The following PPP1R12B variants were observed in gnomAD, a reference collection of about 807,000 sequenced individuals.
PPP1R12B encodes the protein protein phosphatase 1 regulatory subunit 12B.
A neutral mutation model predicts 126.1 loss-of-function variants in PPP1R12B; 76 were observed. The ratio of observed to expected loss-of-function variants is 0.60; its 90% CI spans 0.50 to 0.73. The LOEUF (loss-of-function observed/expected upper bound fraction) is 0.73, where lower values mean the gene tolerates loss of function less well. Ranked by LOEUF, PPP1R12B falls within the 30% of genes least tolerant of loss-of-function variation. PPP1R12B has a pLI of 0.00. For synonymous variants in PPP1R12B, 356 were observed against 434.7 expected (o/e 0.82, Z 2.25); for missense variants, 1,052 against 1,205.1 (o/e 0.87, Z 1.88).
Position 202,348,770 on chromosome 1 carries a change from T to A in PPP1R12B, c.-82T>A, listed in dbSNP as rs895179933. The A allele has an allele frequency of 3.4e-5, 51 of 1,492,312 alleles. No homozygotes were observed. The highest frequency in any genetic ancestry group is 2.5e-4 in the Middle Eastern group (1 of 4,010). The allele number at this position is 1,492,312 out of a possible 1,614,324, so 92.4% of individuals were successfully genotyped here. On this transcript the variant is annotated 5_prime_UTR_variant, in exon 1 of 24. Transcript: ENST00000608999. ...CCCTCTGCTCCGGGCTGAAGCGCTC[T>A]GAGAGAGGCGGCAGCGGCAACTCGA... is the stretch of plus-strand genomic sequence containing the variant.
intron 13 of PPP1R12B, among the ~76,000 whole-genome samples, chr1:202,462,117 AT>A (rs1175566930): frequency 6.6e-6 from 1 of 152,188 alleles, no homozygotes; most frequent in East Asian, 1.9e-4. Context: ...GATTGCATAA[AT>A]CTGAATATAC....
chr1:202,524,206 C>T (rs927031578), intron 18 of PPP1R12B, among the ~76,000 whole-genome samples: 13 of 152,052 alleles, frequency 8.5e-5, no homozygotes, highest in Non-Finnish European at 1.8e-4. Flanking sequence ...GCCAACATTT[C>T]CTGGAAGGGC....
intron 1 of PPP1R12B, among the ~76,000 whole-genome samples, chr1:202,402,969 C>T (rs1438668860): frequency 6.6e-6 from 1 of 152,124 alleles, no homozygotes; most frequent in Non-Finnish European, 1.5e-5. Flanking sequence ...GGATACATGA[C>T]AAAGCAAATA....
chr1:202,452,556 GA>G (rs1673133956), intron 13 of PPP1R12B, among the ~76,000 whole-genome samples: 1 of 152,016 alleles, frequency 6.6e-6, no homozygotes. Flanking sequence ...GGGAGAGGGA[GA>G]CCGTGGGGAG....
At chr1:202,493,372 G>A (rs569679610) in intron 15 of PPP1R12B, 55 bp downstream of exon 15, 16 of 1,532,026 alleles carry the variant, frequency 1.0e-5, no homozygotes, top group Middle Eastern at 2.3e-4. Context: ...ATTAGTTTGG[G>A]GAGTATCTTC....
intron 1 of PPP1R12B, among the ~76,000 whole-genome samples, chr1:202,371,858 C>CTTTTTTTTTT (rs1193939057): frequency 1.7e-4 from 13 of 75,332 alleles, no homozygotes; most frequent in East Asian, 4.5e-4. Context: ...ATTATAGTTT[C>CTTTTTTTTTT]TTTTTTTTTT....
intron 13 of PPP1R12B, among the ~76,000 whole-genome samples, chr1:202,455,077 C>A (rs1673447082): frequency 6.6e-6 from 1 of 151,964 alleles, no homozygotes; most frequent in Non-Finnish European, 1.5e-5. Context: ...TGAAAAGATA[C>A]TGAGGTGGAA....
intron 13 of PPP1R12B, among the ~76,000 whole-genome samples, chr1:202,485,991 C>G (rs1251826050): frequency 6.6e-6 from 1 of 152,186 alleles, no homozygotes; most frequent in African/African-American, 2.4e-5. Flanking sequence ...AAGCCGTCCT[C>G]CCATCTCAGC....
At chr1:202,400,416 A>C (rs1172005678) in intron 1 of PPP1R12B, among the ~76,000 whole-genome samples, 1 of 152,202 alleles carries the variant, frequency 6.6e-6, no homozygotes, top group Non-Finnish European at 1.5e-5. Context: ...CCAATATACT[A>C]CAATAGGTAA....
In PPP1R12B at chr1:202,442,571, AG is replaced by A; in HGVS notation, c.1667+1del. 1 of 1,610,858 alleles carries A rather than the reference AG, an allele frequency of 6.2e-7. No homozygotes were observed. The highest frequency in any genetic ancestry group is 1.3e-5 in the African/African-American group (1 of 74,872). The stretch of plus-strand genomic sequence containing the variant: ...CACCTATGTATCAACTTACTTGAAA[AG>A]GTACCAGGCTCAAAGGGGGTGGGAG... ...PSTYVSTYLK[R>X]TPHKSQADTT... is the part of the protein sequence containing the mutation. On this transcript the variant is annotated frameshift_variant and splice_region_variant, in exon 12 of 24. Transcript: ENST00000608999. LOFTEE classifies it high-confidence loss of function.
chr1:202,495,005 A>G (rs775609356), intron 15 of PPP1R12B, among the ~76,000 whole-genome samples: 1 of 151,940 alleles, frequency 6.6e-6, no homozygotes, highest in Admixed American at 6.6e-5. Context: ...TACATGGTTA[A>G]TGCTATCTAG....
chr1:202,398,226 G>A (rs914911246), intron 1 of PPP1R12B, among the ~76,000 whole-genome samples: 1 of 152,140 alleles, frequency 6.6e-6, no homozygotes, highest in African/African-American at 2.4e-5. Flanking sequence ...TGCATTACAC[G>A]CACATGCATA....
chr1:202,440,791 A>T lies in PPP1R12B; in HGVS notation c.1541+3A>T. The stretch of plus-strand genomic sequence containing the variant: ...GATATTGAAGAAAAGGAGAACAGGT[A>T]ATCCTAAAACCAGCCAAAAGATGGT... On this transcript the variant is annotated splice_donor_region_variant and intron_variant, in intron 11 of 23. Coordinates refer to ENST00000608999, the MANE Select transcript of PPP1R12B (RefSeq NM_002481.4). 6.2e-7 allele frequency: 1 copy of T among 1,611,982 alleles called. No homozygotes were observed. The highest frequency in any genetic ancestry group is 8.5e-7 in the Non-Finnish European group (1 of 1,178,138).
chr1:202,408,978 C>T (rs1667024514), intron 1 of PPP1R12B, among the ~76,000 whole-genome samples: 1 of 151,184 alleles, frequency 6.6e-6, no homozygotes, highest in South Asian at 2.1e-4. Flanking sequence ...GCTGGGATTA[C>T]AGGCGCATGC....
rs1553331179 is a variant in PPP1R12B, at chr1:202,587,130, CCT to C, written c.*6571_*6572del. On this transcript the variant is annotated 3_prime_UTR_variant, in exon 24 of 24. Transcript: ENST00000608999. ...CTGTTATTTCTCCTCCAAATTTTTC[CCT>C]GATGTTTCCAATAAAGATTTACTTG... The C allele has an allele frequency of 6.6e-6, 1 of 151,646 alleles. No individual in the cohort carries two copies. The highest frequency in any genetic ancestry group is 1.5e-5 in the Non-Finnish European group (1 of 68,008). 9.4% of individuals were successfully genotyped at this position (151,646 alleles called of 1,614,324 possible).
chr1:202,507,351 G>A (rs183526851), intron 18 of PPP1R12B, among the ~76,000 whole-genome samples: 1 of 152,088 alleles, frequency 6.6e-6, no homozygotes, highest in Admixed American at 6.5e-5. Context: ...ATTATAAAGT[G>A]CTTTGCTCTT....
chr1:202,469,147 G>A (rs1245328918), intron 13 of PPP1R12B, among the ~76,000 whole-genome samples: 1 of 152,144 alleles, frequency 6.6e-6, no homozygotes, highest in Non-Finnish European at 1.5e-5. Context: ...ACCTAATAAA[G>A]GGTAGGCACA....
chr1:202,422,538 G>T, intron 2 of PPP1R12B, 82 bp from the exon 3 acceptor site: 1 of 1,268,996 alleles, frequency 7.9e-7, no homozygotes, highest in Non-Finnish European at 1.1e-6. Flanking sequence ...TAGAGACTTC[G>T]CTGTGTATTG....
At chr1:202,390,444 C>T (rs1205598649) in intron 1 of PPP1R12B, among the ~76,000 whole-genome samples, 1 of 152,036 alleles carries the variant, frequency 6.6e-6, no homozygotes, top group Admixed American at 6.6e-5. Context: ...AGATATGTCA[C>T]CATAGCATGA....
Sources: allele counts gnomAD v4.1 joint callset (sites outside exome capture counted in the v4.1 genomes callset), GRCh38; gene constraint gnomAD v4.1.1; transcripts MANE v1.5; gene names NCBI Gene and HGNC (gene_info 2026-07-23, HGNC 2026-07-21).